The following TTC29 variants were observed in gnomAD, a reference collection of about 807,000 sequenced individuals.
The protein encoded by TTC29 is tetratricopeptide repeat domain 29.
In TTC29, 49 loss-of-function variants were observed where a neutral mutation model predicts 58.1. That is an observed-to-expected ratio of 0.84 (90% CI 0.67 to 1.07). The LOEUF (loss-of-function observed/expected upper bound fraction) is 1.07. Ranked by LOEUF, TTC29 falls within the 50% of genes least tolerant of loss-of-function variation. The pLI, the probability that TTC29 is intolerant of heterozygous loss-of-function variation, is 0.00. For synonymous variants in TTC29, 209 were observed against 196.8 expected (o/e 1.06, Z -0.52); for missense variants, 582 against 555.6 (o/e 1.05, Z -0.48).
intron 8 of TTC29, among the ~76,000 whole-genome samples, chr4:146,852,574 C>G (rs1729580858): frequency 6.6e-6 from 1 of 152,352 alleles, no homozygotes; most frequent in Non-Finnish European, 1.5e-5. Flanking sequence ...GCTGCCCTCC[C>G]AGGCCTTTAC....
chr4:146,707,363 C>T, intron 12 of TTC29, 122 bp downstream of exon 12: 1 of 782,168 alleles, frequency 1.3e-6, no homozygotes, highest in Non-Finnish European at 2.0e-6. Flanking sequence ...AGCAGTGTTT[C>T]ACTATTAAGG....
At chr4:146,776,665 G>T (rs1057430450) in intron 11 of TTC29, among the ~76,000 whole-genome samples, 1 of 152,150 alleles carries the variant, frequency 6.6e-6, no homozygotes. Context: ...CTCCTGGTCC[G>T]CTGGCCACAG....
At chr4:146,807,978 C>A (rs1366391143) in intron 10 of TTC29, among the ~76,000 whole-genome samples, 1 of 152,064 alleles carries the variant, frequency 6.6e-6, no homozygotes, top group Non-Finnish European at 1.5e-5. Context: ...AACATTGATG[C>A]AAAAATCCTC....
At chr4:146,783,835 AATGTT>A (rs1436085181) in intron 11 of TTC29, among the ~76,000 whole-genome samples, 3 of 152,092 alleles carry the variant, frequency 2.0e-5, no homozygotes, top group Non-Finnish European at 2.9e-5. Flanking sequence ...TAATTTAACA[AATGTT>A]ATGTTAATTA....
At chr4:146,775,318 G>C (rs1748009236) in intron 11 of TTC29, among the ~76,000 whole-genome samples, 1 of 152,136 alleles carries the variant, frequency 6.6e-6, no homozygotes, top group Non-Finnish European at 1.5e-5. Flanking sequence ...ATGCAGACTT[G>C]ATTGTGTGAT....
intron 11 of TTC29, among the ~76,000 whole-genome samples, chr4:146,785,942 TAAAG>T (rs1356140900): frequency 6.6e-6 from 1 of 150,390 alleles, no homozygotes; most frequent in African/African-American, 2.5e-5. Flanking sequence ...ATTGGGTTAT[TAAAG>T]AATATATATA....
At chr4:146,764,062 C>T (rs1281628578) in intron 11 of TTC29, 1 of 152,068 alleles carries the variant, frequency 6.6e-6, no homozygotes, top group Non-Finnish European at 1.5e-5. Context: ...AAGTGCACAA[C>T]ATGGAGGATA....
intron 11 of TTC29, among the ~76,000 whole-genome samples, chr4:146,784,046 G>A (rs1748821091): frequency 6.6e-6 from 1 of 151,406 alleles, no homozygotes; most frequent in South Asian, 2.1e-4. Context: ...TTTCTTAACT[G>A]AGAAAGGAGC....
At chr4:146,787,287 C>T (rs1258116675) in intron 11 of TTC29, among the ~76,000 whole-genome samples, 2 of 152,002 alleles carry the variant, frequency 1.3e-5, no homozygotes, top group Admixed American at 6.6e-5. Context: ...ATAGGTGGGA[C>T]AAATGAAAGA....
intron 5 of TTC29, among the ~76,000 whole-genome samples, chr4:146,904,366 G>T (rs1271812142): frequency 1.3e-5 from 2 of 151,958 alleles, no homozygotes; most frequent in Admixed American, 1.3e-4. Flanking sequence ...GTATTTTTTT[G>T]CTGGGAATGC....
At chr4:146,814,846 C>T (rs1320184113) in intron 10 of TTC29, among the ~76,000 whole-genome samples, 1 of 151,764 alleles carries the variant, frequency 6.6e-6, no homozygotes, top group East Asian at 1.9e-4. Flanking sequence ...GACAAGAAGC[C>T]AGCAATGTGA....
At chr4:146,756,730 ATTC>A (rs1429302686) in intron 11 of TTC29, among the ~76,000 whole-genome samples, 1 of 151,048 alleles carries the variant, frequency 6.6e-6, no homozygotes, top group Non-Finnish European at 1.5e-5. Context: ...GTATTTTTTT[ATTC>A]TTTTTTTTTT....
chr4:146,782,030 A>G (rs958161608), intron 11 of TTC29, among the ~76,000 whole-genome samples: 7 of 151,910 alleles, frequency 4.6e-5, no homozygotes, highest in Non-Finnish European at 8.8e-5. Context: ...TGAAAAAAAA[A>G]GAATACCAGC....
rs531927680 is a variant in TTC29 at position 146,919,681 on chromosome 4, C to T, written c.177-10432G>A. 2.0e-5 allele frequency among the ~76,000 whole-genome samples: 3 copies of T among 151,224 alleles called. No homozygotes were observed. In the South Asian group the frequency reaches 6.2e-4, roughly 31 times the overall value. On this transcript the variant is annotated intron_variant, in intron 4 of 12. Transcript: ENST00000325106. ...TTTTTTGAAACATAATTCTATGATA[C>T]CCTCCACATTTTTTGAAATTTTATT...
chr4:146,852,651 A>G (rs1480102182), intron 8 of TTC29, among the ~76,000 whole-genome samples: 1 of 152,208 alleles, frequency 6.6e-6, no homozygotes, highest in Non-Finnish European at 1.5e-5. Context: ...CTTGCTCCCT[A>G]TTGTAAGAAT....
At chr4:146,817,957 T>C (rs2150136913) in intron 10 of TTC29, among the ~76,000 whole-genome samples, 1 of 152,238 alleles carries the variant, frequency 6.6e-6, no homozygotes, top group Middle Eastern at 3.4e-3. Context: ...GACTTAAACG[T>C]TAGACCTAAA....
At chr4:146,722,935 C>T (rs772885767) in intron 11 of TTC29, among the ~76,000 whole-genome samples, 2 of 152,162 alleles carry the variant, frequency 1.3e-5, no homozygotes, top group Admixed American at 6.5e-5. Context: ...TGAGCTCAAG[C>T]GATCCACCCG....
chr4:146,938,635 C>T (rs550214571), intron 3 of TTC29, among the ~76,000 whole-genome samples: 4 of 151,972 alleles, frequency 2.6e-5, no homozygotes, highest in East Asian at 1.9e-4. Context: ...AAGATTTCTC[C>T]GCTATAGGAA....
intron 8 of TTC29, among the ~76,000 whole-genome samples, chr4:146,839,026 C>A (rs1267971227): frequency 6.6e-6 from 1 of 151,942 alleles, no homozygotes; most frequent in Non-Finnish European, 1.5e-5. Context: ...TGTTCCAGTT[C>A]ATTTGTTTTA....
Sources: gnomAD v4.1 joint callset for allele counts (sites outside exome capture counted in the v4.1 genomes callset) on GRCh38, gnomAD v4.1.1 for gene constraint, MANE v1.5 for transcripts, NCBI Gene and HGNC (gene_info 2026-07-23, HGNC 2026-07-21) for gene names.